The following TWIST2 variants were observed in gnomAD, a reference collection of about 807,000 sequenced individuals.
TWIST2 encodes twist-related protein 2.
A neutral mutation model predicts 11.6 loss-of-function variants in TWIST2; 1 was observed. The observed-to-expected ratio is 0.09, with a 90% CI of 0.03 to 0.41. TWIST2 has a LOEUF of 0.41. TWIST2 is among the 10% of genes least tolerant of loss of function. The pLI is 0.98. For synonymous variants in TWIST2, 87 were observed against 96.6 expected, an observed-to-expected ratio of 0.90 and a Z score of 0.58; for missense variants, 168 against 226.4, an observed-to-expected ratio of 0.74 and a Z score of 1.66.
intron 1 of TWIST2, among the ~76,000 whole-genome samples, chr2:238,881,394 T>C (rs2106364951): frequency 6.6e-6 from 1 of 151,556 alleles, no homozygotes; most frequent in East Asian, 1.9e-4. Flanking sequence ...TTAGTTACTA[T>C]TTATTAGTGT....
At position 238,900,953 on chromosome 2, in the gene TWIST2, G is replaced by T. The variant is rs970452797; in HGVS notation, c.*36-8889G>T. 2.7e-5 allele frequency among the ~76,000 whole-genome samples: 4 copies of T among 149,694 alleles called. No individual in the cohort carries two copies. In the East Asian group the frequency reaches 7.8e-4, roughly 29 times the overall value. Reference sequence around the variant, plus strand: ...CGTTCCTCTGCCATTTTTTCTGATCGTTTCTGCCCTATCCCTTCTCCTTCC... The same window carrying T: ...CGTTCCTCTGCCATTTTTTCTGATCTTTTCTGCCCTATCCCTTCTCCTTCC... On this transcript the variant is annotated intron_variant, in intron 1 of 1. Coordinates refer to ENST00000612363, the MANE Select transcript of TWIST2 (RefSeq NM_001271893.4).
chr2:238,905,964 C>G (rs1490952340), intron 1 of TWIST2, among the ~76,000 whole-genome samples: 3 of 115,362 alleles, frequency 2.6e-5, no homozygotes, highest in East Asian at 2.1e-4. Context: ...TGTACGTGTG[C>G]GTGTGTGTGC....
In TWIST2 at chr2:238,867,960, G is replaced by A. The variant is rs1692573372; in HGVS notation, c.*35+19227G>A. Among the ~76,000 whole-genome samples the A allele has an allele frequency of 6.6e-6, 1 of 152,196 alleles. No individual in the cohort carries two copies. The highest frequency in any genetic ancestry group is 2.4e-5 in the African/African-American group (1 of 41,444). On this transcript the variant is annotated intron_variant, in intron 1 of 1. Coordinates refer to ENST00000612363, the MANE Select transcript of TWIST2 (RefSeq NM_001271893.4). This position sits in a 1 kb window ranked among gnomAD's most constrained non-coding sequence, Gnocchi z 4.8. Reference sequence around the variant, plus strand: ...GTGGTCAGCGGAAGGCATGAGAGGGGCCACCCTCCTGCATGTAGTGAGGCT... The same window carrying A: ...GTGGTCAGCGGAAGGCATGAGAGGGACCACCCTCCTGCATGTAGTGAGGCT...
chr2:238,890,326 G>A (rs912637696), intron 1 of TWIST2, among the ~76,000 whole-genome samples: 1 of 152,206 alleles, frequency 6.6e-6, no homozygotes, highest in South Asian at 2.1e-4. Context: ...AGCACAGCCC[G>A]GCCTGCGCGG....
chr2:238,886,155 C>T (rs547565312), intron 1 of TWIST2, among the ~76,000 whole-genome samples: 4 of 151,854 alleles, frequency 2.6e-5, no homozygotes, highest in East Asian at 3.9e-4. Flanking sequence ...TAAAATGCAC[C>T]GTGAACTTTG....
intron 1 of TWIST2, among the ~76,000 whole-genome samples, chr2:238,870,535 TACATACCCCACACACCCC>T (rs1574754656): frequency 3.7e-4 from 5 of 13,674 alleles, no homozygotes; most frequent in African/African-American, 8.9e-4. Context: ...CCACACACCC[TACATACCCCACACACCCC>T]ACACACACCA....
intron 1 of TWIST2, among the ~76,000 whole-genome samples, chr2:238,851,615 C>T (rs545548875): frequency 4.6e-5 from 7 of 152,218 alleles, no homozygotes; most frequent in Admixed American, 3.9e-4. Context: ...GAAGAAATTG[C>T]ATGACCCCTT....
At chr2:238,898,712 C>T (rs1693235439) in intron 1 of TWIST2, among the ~76,000 whole-genome samples, 1 of 152,218 alleles carries the variant, frequency 6.6e-6, no homozygotes, top group African/African-American at 2.4e-5. Context: ...TCGGCCCAGC[C>T]TTCCAGATAG....
intron 1 of TWIST2, among the ~76,000 whole-genome samples, chr2:238,883,655 C>A (rs1692979531): frequency 1.3e-5 from 2 of 152,074 alleles, no homozygotes; most frequent in Admixed American, 1.3e-4. Context: ...TTTCTAGAAG[C>A]CTGGCCAGGA....
chr2:238,893,731 C>T (rs1213786454), intron 1 of TWIST2, among the ~76,000 whole-genome samples: 1 of 152,226 alleles, frequency 6.6e-6, no homozygotes, highest in Non-Finnish European at 1.5e-5. Flanking sequence ...GATCGCCGGC[C>T]GCCATTGTTC....
chr2:238,897,734 G>T (rs2106371841), intron 1 of TWIST2, among the ~76,000 whole-genome samples: 1 of 152,356 alleles, frequency 6.6e-6, no homozygotes, highest in African/African-American at 2.4e-5. Flanking sequence ...TGGGGAGAAG[G>T]CTCTGGGGTG....
rs1187056929 is a variant in TWIST2, at chr2:238,864,603, C to T, written c.*35+15870C>T. ...AGGGCACCAGGCAGCCCACCCGGCC[C>T]GGCCAAGACCAGCAGGACAGGGGCC... On this transcript the variant is annotated intron_variant, in intron 1 of 1. Coordinates refer to ENST00000612363, the MANE Select transcript of TWIST2 (RefSeq NM_001271893.4). The surrounding 1 kb of genome is among the most constrained non-coding windows in gnomAD (Gnocchi z 4.7). Among the ~76,000 whole-genome samples the T allele has an allele frequency of 2.6e-5, 4 of 152,234 alleles. No homozygotes were observed. Among genetic ancestry groups the T allele is most frequent in the East Asian group, 1.9e-4 (1 of 5,154 alleles).
At chr2:238,849,834 C>T (rs930754381) in intron 1 of TWIST2, among the ~76,000 whole-genome samples, 2 of 152,248 alleles carry the variant, frequency 1.3e-5, no homozygotes, top group African/African-American at 2.4e-5. Flanking sequence ...GAGCCCCTCT[C>T]TCATCCGCCA....
intron 1 of TWIST2, among the ~76,000 whole-genome samples, chr2:238,896,107 G>A (rs926047472): frequency 2.6e-5 from 4 of 152,120 alleles, no homozygotes; most frequent in Admixed American, 6.5e-5. Flanking sequence ...CTTCTCAGGC[G>A]CAGCAGGCAA....
At position 238,880,789 on chromosome 2, in the gene TWIST2, GTTAGTGTTAGTATTTATTAGTA is replaced by G. The variant is rs1275098691; in HGVS notation, c.*36-29034_*36-29013del. Among the ~76,000 whole-genome samples, 124 of 121,844 alleles carry G rather than the reference GTTAGTGTTAGTATTTATTAGTA, an allele frequency of 1.0e-3. 17 individuals carry two copies. Among genetic ancestry groups the G allele is most frequent in the Non-Finnish European group, 1.8e-3 (103 of 57,644 alleles). The allele number at this position is 121,844 out of a possible 152,430, so 79.9% of individuals were successfully genotyped here. On this transcript the variant is annotated intron_variant, in intron 1 of 1. Transcript: ENST00000612363. Reference sequence around the variant, plus strand: ...CATTAGTGTCAGTGTTAGTATTAGTGTTAGTGTTAGTATTTATTAGTATTAGTGTTAGTATTTATTGGTATTA... The same window carrying G: ...CATTAGTGTCAGTGTTAGTATTAGTGTTAGTGTTAGTATTTATTGGTATTA...
chr2:238,906,591 A>G (rs959398763), intron 1 of TWIST2, among the ~76,000 whole-genome samples: 2 of 150,544 alleles, frequency 1.3e-5, no homozygotes, highest in East Asian at 3.9e-4. Flanking sequence ...TTGCACATGG[A>G]CACACACTCA....
At chr2:238,870,126 A>ACACACACACCACACCC (rs1559273403) in intron 1 of TWIST2, among the ~76,000 whole-genome samples, 1 of 9,390 alleles carries the variant, frequency 1.1e-4, no homozygotes, top group Non-Finnish European at 2.1e-4. Flanking sequence ...TACACCCCCC[A>ACACACACACCACACCC]CACACACACC....
intron 1 of TWIST2, among the ~76,000 whole-genome samples, chr2:238,870,158 C>CA (rs1553568292): frequency 6.8e-4 from 66 of 96,356 alleles, no homozygotes; most frequent in Non-Finnish European, 1.2e-3. Flanking sequence ...ACACCACACC[C>CA]CACACACACC....
intron 1 of TWIST2, among the ~76,000 whole-genome samples, chr2:238,903,427 ATG>A (rs1433191898): frequency 0.1 from 8,035 of 78,318 alleles, 339 homozygotes; most frequent in East Asian, 0.26. Context: ...GTGATGTGGG[ATG>A]TGTGTGATGT....
Sources: allele counts gnomAD v4.1 joint callset (sites outside exome capture counted in the v4.1 genomes callset), GRCh38; gene constraint gnomAD v4.1.1; non-coding constraint Gnocchi (gnomAD v3.1); transcripts MANE v1.5; gene names NCBI Gene and HGNC (gene_info 2026-07-23, HGNC 2026-07-21).